MB21D2: variants seen among roughly 807,000 people sequenced by gnomAD.
MB21D2 encodes the protein nucleotidyltransferase MB21D2.
A neutral mutation model predicts 33.3 loss-of-function variants in MB21D2; 9 were observed. The observed-to-expected ratio is 0.27, with a 90% CI of 0.16 to 0.47. The LOEUF (loss-of-function observed/expected upper bound fraction) is 0.47, where lower values mean the gene tolerates loss of function less well. MB21D2 is among the 20% of genes least tolerant of loss of function. MB21D2 has a pLI of 0.99. For missense variants in MB21D2, 540 were observed against 624.6 expected (o/e 0.86, Z 1.44); for synonymous variants, 241 against 236.3 (o/e 1.02, Z -0.18).
chr3:192,809,766 G>T (rs776295281), intron 1 of MB21D2, among the ~76,000 whole-genome samples: 2 of 152,200 alleles, frequency 1.3e-5, no homozygotes, highest in Non-Finnish European at 2.9e-5. Flanking sequence ...ATTATAAAAA[G>T]ATACTTAGTG....
intron 1 of MB21D2, among the ~76,000 whole-genome samples, chr3:192,900,402 T>A (rs11720554): frequency 6.7e-6 from 1 of 149,722 alleles, no homozygotes; most frequent in African/African-American, 2.5e-5. Flanking sequence ...AAGGAGAAAA[T>A]CAAAAAGAAT....
intron 1 of MB21D2, among the ~76,000 whole-genome samples, chr3:192,884,817 C>T (rs1489774026): frequency 6.6e-6 from 1 of 152,062 alleles, no homozygotes; most frequent in Admixed American, 6.5e-5. Context: ...CAGCACCCTA[C>T]ACATAAGAGG....
At chr3:192,831,296 A>T (rs967948990) in intron 1 of MB21D2, among the ~76,000 whole-genome samples, 2 of 152,154 alleles carry the variant, frequency 1.3e-5, no homozygotes, top group African/African-American at 4.8e-5. Flanking sequence ...TGGAAACTCT[A>T]GCCCCAGTCA....
At chr3:192,819,978 G>A (rs906623392) in intron 1 of MB21D2, among the ~76,000 whole-genome samples, 6 of 152,276 alleles carry the variant, frequency 3.9e-5, no homozygotes, top group African/African-American at 9.6e-5. Context: ...CTACAAGGGG[G>A]TAGGGGAATC....
intron 1 of MB21D2, among the ~76,000 whole-genome samples, chr3:192,827,194 CA>C (rs1367831212): frequency 4.6e-5 from 7 of 152,212 alleles, no homozygotes; most frequent in East Asian, 1.9e-4. Flanking sequence ...CTGCGCCCGG[CA>C]CCCTGTCTTT....
At chr3:192,901,371 C>T (rs1714096455) in intron 1 of MB21D2, among the ~76,000 whole-genome samples, 1 of 137,588 alleles carries the variant, frequency 7.3e-6, no homozygotes, top group Admixed American at 8.0e-5. Context: ...AGATCAAGAC[C>T]ATCCTGGCTA....
chr3:192,852,236 T>G (rs898482937), intron 1 of MB21D2, among the ~76,000 whole-genome samples: 1 of 152,350 alleles, frequency 6.6e-6, no homozygotes, highest in South Asian at 2.1e-4. Flanking sequence ...ACAGCACCCA[T>G]TTCCAAAATG....
chr3:192,866,444 A>C (rs1158501662), intron 1 of MB21D2, among the ~76,000 whole-genome samples: 2 of 152,170 alleles, frequency 1.3e-5, no homozygotes, highest in Non-Finnish European at 2.9e-5. Context: ...GAAATCAAAG[A>C]ATGTTACATT....
At chr3:192,851,651 T>C (rs1026664056) in intron 1 of MB21D2, among the ~76,000 whole-genome samples, 33 of 137,920 alleles carry the variant, frequency 2.4e-4, no homozygotes, top group African/African-American at 8.5e-4. Context: ...TGCACCGCCA[T>C]ATCCCGCTAA....
intron 1 of MB21D2, among the ~76,000 whole-genome samples, chr3:192,873,603 C>G (rs1310547547): frequency 3.9e-5 from 6 of 152,158 alleles, no homozygotes; most frequent in African/African-American, 1.4e-4. Flanking sequence ...TCTGTTGGGC[C>G]CCTCTCTTGT....
chr3:192,801,338 A>C (rs1306250547), intron 1 of MB21D2, among the ~76,000 whole-genome samples: 3 of 152,240 alleles, frequency 2.0e-5, no homozygotes, highest in African/African-American at 7.2e-5. Flanking sequence ...ACCTACCACA[A>C]AGTATTATAA....
In MB21D2 at chr3:192,798,459, T is replaced by C; in HGVS notation, c.1403A>G (p.Lys468Arg). Reference protein sequence around the residue: ...LQQLVTENPGKSISVFINPDD... With the variant: ...LQQLVTENPGRSISVFINPDD... ...AGGATTGATAAAGACAGAGATTGAC[T>C]TTCCCGGGTTCTCAGTCACTAGCTG... is the stretch of plus-strand genomic sequence containing the variant. The change falls in exon 2 of 2, where the codon AAG becomes AGG. Residue 468 changes from lysine (K) to arginine (R), a missense_variant. Coordinates refer to ENST00000392452, the MANE Select transcript of MB21D2 (RefSeq NM_178496.4). This position sits in a 1 kb window ranked among gnomAD's most constrained non-coding sequence, Gnocchi z 4.8. 1 of 1,614,210 alleles carries C rather than the reference T, an allele frequency of 6.2e-7. No homozygotes were observed. Among genetic ancestry groups the C allele is most frequent in the Non-Finnish European group, 8.5e-7 (1 of 1,180,046 alleles).
intron 1 of MB21D2, among the ~76,000 whole-genome samples, chr3:192,872,698 G>A (rs188651691): frequency 3.1e-4 from 47 of 152,286 alleles, no homozygotes; most frequent in African/African-American, 1.1e-3. Flanking sequence ...AACAGAATCA[G>A]GTTCTAGGTT....
chr3:192,853,055 T>C (rs150055502), intron 1 of MB21D2, among the ~76,000 whole-genome samples: 82 of 149,804 alleles, frequency 5.5e-4, no homozygotes, highest in African/African-American at 1.8e-3. Context: ...TCTCTCTCTC[T>C]GAGACCATTT....
intron 1 of MB21D2, among the ~76,000 whole-genome samples, chr3:192,839,011 T>C (rs1172158761): frequency 6.6e-6 from 1 of 152,202 alleles, no homozygotes; most frequent in Non-Finnish European, 1.5e-5. Context: ...TTTAGCTATG[T>C]ACACCACTTA....
At chr3:192,803,030 G>C (rs1417029146) in intron 1 of MB21D2, among the ~76,000 whole-genome samples, 1 of 152,150 alleles carries the variant, frequency 6.6e-6, no homozygotes, top group Non-Finnish European at 1.5e-5. Flanking sequence ...TATATAATCA[G>C]GGTAACTTGT....
chr3:192,799,802 G>C lies in MB21D2; in HGVS notation c.212-152C>G, dbSNP rs1711517879. On this transcript the variant is annotated intron_variant, in intron 1 of 1. Transcript: ENST00000392452. The surrounding 1 kb of genome is among the most constrained non-coding windows in gnomAD (Gnocchi z 4.1). Reference sequence around the variant, plus strand: ...GGCTGCTGCAGAGACCTGGCCAACAGTACTTTCTCACTAGTGCTAGAATCC... The same window carrying C: ...GGCTGCTGCAGAGACCTGGCCAACACTACTTTCTCACTAGTGCTAGAATCC... 2 of 794,476 alleles carry C rather than the reference G, an allele frequency of 2.5e-6. No homozygotes were observed. Among genetic ancestry groups the C allele is most frequent in the African/African-American group, 1.7e-5 (1 of 57,602 alleles). The allele number at this position is 794,476 out of a possible 1,614,324, so 49.2% of individuals were successfully genotyped here.
At chr3:192,869,594 TC>T (rs1467288104) in intron 1 of MB21D2, among the ~76,000 whole-genome samples, 2 of 152,150 alleles carry the variant, frequency 1.3e-5, no homozygotes, top group Non-Finnish European at 2.9e-5. Flanking sequence ...TTCCTGGCTT[TC>T]CCAAAGGAAA....
chr3:192,817,668 C>T (rs1711957063), intron 1 of MB21D2, among the ~76,000 whole-genome samples: 1 of 152,132 alleles, frequency 6.6e-6, no homozygotes, highest in Non-Finnish European at 1.5e-5. Context: ...CTGCACACCC[C>T]ATGCCACTGT....
Sources: allele counts gnomAD v4.1 joint callset (sites outside exome capture counted in the v4.1 genomes callset), GRCh38; gene constraint gnomAD v4.1.1; non-coding constraint Gnocchi (gnomAD v3.1); transcripts MANE v1.5; gene names NCBI Gene and HGNC (gene_info 2026-07-23, HGNC 2026-07-21).